TRPM3: variants seen among roughly 807,000 people sequenced by gnomAD.
The protein encoded by TRPM3 is long transient receptor potential channel 3.
A neutral mutation model predicts 181.2 loss-of-function variants in TRPM3; 77 were observed. The observed-to-expected ratio is 0.42, with a 90% CI of 0.35 to 0.51. The LOEUF is 0.51. TRPM3 is among the 20% of genes least tolerant of loss of function. The pLI is 0.01. For missense variants in TRPM3, 1,759 were observed against 2,196.7 expected, an observed-to-expected ratio of 0.80 and a Z score of 3.98; for synonymous variants, 745 against 796.4, an observed-to-expected ratio of 0.94 and a Z score of 1.09.
At chr9:71,126,599 G>A (rs1294842822), upstream of TRPM3, among the ~76,000 whole-genome samples, 4 of 151,804 alleles carry the variant, frequency 2.6e-5, no homozygotes, top group African/African-American at 9.7e-5. Flanking sequence ...CCTTTCTTAA[G>A]GTATATTTCC....
At chr9:71,332,898 G>GT (rs143801573) in intron 1 of TRPM3, among the ~76,000 whole-genome samples, 13,980 of 151,802 alleles carry the variant, frequency 0.092, 1,152 homozygotes, top group African/African-American at 0.2. Context: ...TTCTTAAACA[G>GT]TTTTAAATCA....
intron 25 of TRPM3, among the ~76,000 whole-genome samples, chr9:70,548,450 AT>A (rs2045613534): frequency 6.6e-6 from 1 of 152,222 alleles, no homozygotes; most frequent in African/African-American, 2.4e-5. Context: ...AAAATATACC[AT>A]TTAGGTAATT....
intron 1 of TRPM3, among the ~76,000 whole-genome samples, chr9:70,916,585 G>A (rs1191232451): frequency 6.6e-6 from 1 of 151,962 alleles, no homozygotes; most frequent in East Asian, 1.9e-4. Context: ...TTGCAGGGTG[G>A]ATAAGCTCAG....
At chr9:71,340,281 ATGGAC>A (rs1368914501) in intron 1 of TRPM3, among the ~76,000 whole-genome samples, 2 of 152,174 alleles carry the variant, frequency 1.3e-5, no homozygotes, top group Non-Finnish European at 2.9e-5. Context: ...AGGTATCAGT[ATGGAC>A]TGATGGTTTT....
chr9:71,263,894 C>T (rs533250707), intron 1 of TRPM3, among the ~76,000 whole-genome samples: 1 of 152,244 alleles, frequency 6.6e-6, no homozygotes, highest in East Asian at 1.9e-4. Context: ...AGCCTCCTGC[C>T]TCAACCTCTG....
intron 9 of TRPM3, among the ~76,000 whole-genome samples, chr9:70,668,500 T>TA: frequency 6.6e-6 from 1 of 151,362 alleles, no homozygotes; most frequent in East Asian, 1.9e-4. Context: ...CCGTCTCTAC[T>TA]AAAAAATACA....
Position 70,620,318 on chromosome 9 carries a change from T to G in TRPM3, c.1887A>C (p.Glu629Asp). Reference protein sequence around the residue: ...RRGRKTTKKREEEVDIDLDDP... With the variant: ...RRGRKTTKKRDEEVDIDLDDP... ...CATCCAAGTCAATGTCCACCTCTTCTTCACGTTTCTTGGTTGTCTTTCTTC... is the reference window on the plus strand; with the variant it reads ...CATCCAAGTCAATGTCCACCTCTTCGTCACGTTTCTTGGTTGTCTTTCTTC... Residue 629 changes from glutamate to aspartate, a missense_variant, in exon 16 of 26, where the codon GAA becomes GAC. Glu to Asp is a conservative substitution (Grantham distance 45, BLOSUM62 2). Coordinates refer to ENST00000677713, the MANE Select transcript of TRPM3 (RefSeq NM_001366145.2). The G allele has an allele frequency of 6.2e-7, 1 of 1,614,098 alleles. No individual in the cohort carries two copies. The highest frequency in any genetic ancestry group is 8.5e-7 in the Non-Finnish European group (1 of 1,179,932).
chr9:71,252,373 C>T (rs2082399346), intron 1 of TRPM3, among the ~76,000 whole-genome samples: 1 of 152,092 alleles, frequency 6.6e-6, no homozygotes, highest in African/African-American at 2.4e-5. Context: ...TGTTCATTTC[C>T]TTTAAAGCCA....
chr9:70,615,826 G>GT, intron 18 of TRPM3, 82 bp downstream of exon 18: 29 of 1,388,926 alleles, frequency 2.1e-5, no homozygotes, highest in Non-Finnish European at 2.7e-5. Context: ...GACCTAAGGA[G>GT]TTACTGAATC....
intron 1 of TRPM3, among the ~76,000 whole-genome samples, chr9:71,315,351 T>C (rs2088464844): frequency 6.6e-6 from 1 of 152,184 alleles, no homozygotes; most frequent in African/African-American, 2.4e-5. Context: ...TCAGGCATTT[T>C]TTGCATATAA....
chr9:71,392,644 C>T (rs1181565495), intron 1 of TRPM3, among the ~76,000 whole-genome samples: 1 of 152,084 alleles, frequency 6.6e-6, no homozygotes, highest in African/African-American at 2.4e-5. Context: ...AATTATCACT[C>T]TCTTCTCTCA....
intron 1 of TRPM3, among the ~76,000 whole-genome samples, chr9:71,268,633 T>G (rs907778804): frequency 6.6e-6 from 1 of 151,910 alleles, no homozygotes; most frequent in African/African-American, 2.4e-5. Context: ...AAGACCAGCC[T>G]TGCCAACATG....
intron 1 of TRPM3, among the ~76,000 whole-genome samples, chr9:71,229,568 A>T (rs2080914071): frequency 6.6e-6 from 1 of 152,202 alleles, no homozygotes; most frequent in Non-Finnish European, 1.5e-5. Context: ...CCACCTGACA[A>T]GAGATTAATA....
intron 7 of TRPM3, among the ~76,000 whole-genome samples, chr9:70,777,746 G>C (rs1257348322): frequency 6.6e-6 from 1 of 152,002 alleles, no homozygotes. Flanking sequence ...TACATCTCTT[G>C]AGGAAAGTTA....
chr9:70,664,611 G>A (rs993525084), intron 9 of TRPM3, among the ~76,000 whole-genome samples: 1 of 150,386 alleles, frequency 6.6e-6, no homozygotes, highest in East Asian at 2.0e-4. Context: ...TTCTCCATGA[G>A]AGCCACAACC....
intron 5 of TRPM3, among the ~76,000 whole-genome samples, chr9:70,832,239 A>G (rs927396077): frequency 2.0e-5 from 3 of 150,826 alleles, no homozygotes; most frequent in African/African-American, 7.3e-5. Context: ...ACATGTATAC[A>G]TATGTAACTA....
chr9:71,302,967 T>C (rs926227212), intron 1 of TRPM3, among the ~76,000 whole-genome samples: 4 of 152,082 alleles, frequency 2.6e-5, no homozygotes, highest in African/African-American at 9.7e-5. Context: ...AAAGCAGATG[T>C]GTGCAGAGTT....
At chr9:71,349,399 G>C (rs186161551) in intron 1 of TRPM3, among the ~76,000 whole-genome samples, 1 of 152,282 alleles carries the variant, frequency 6.6e-6, no homozygotes, top group East Asian at 1.9e-4. Context: ...TACATTTTTA[G>C]AGGCTTCATC....
chr9:71,095,824 A>T lies in TRPM3; in HGVS notation c.177+25354T>A, dbSNP rs184297972. 2.3e-3 allele frequency among the ~76,000 whole-genome samples: 356 copies of T among 151,862 alleles called. 6 individuals are homozygous for T. The highest frequency in any genetic ancestry group is 2.1e-3 in the Non-Finnish European group (142 of 67,948). On this transcript the variant is annotated intron_variant, in intron 1 of 25. Coordinates refer to ENST00000677713, the MANE Select transcript of TRPM3 (RefSeq NM_001366145.2). ...GAGAGAAAGAGAGAGAGACTGACAA[A>T]ATTTCCATTTACCTGTATTATCTTC...
Sources: gnomAD v4.1 joint callset for allele counts (sites outside exome capture counted in the v4.1 genomes callset) on GRCh38, gnomAD v4.1.1 for gene constraint, MANE v1.5 for transcripts, NCBI Gene and HGNC (gene_info 2026-07-23, HGNC 2026-07-21) for gene names.